NLRP12: variants seen among roughly 807,000 people sequenced by gnomAD.
The protein encoded by NLRP12 is NLR family pyrin domain containing 12, also known as NACHT, LRR and PYD domains-containing protein 12.
A neutral mutation model predicts 91.2 loss-of-function variants in NLRP12; 108 were observed. The observed-to-expected ratio is 1.18, with a 90% CI of 1.01 to 1.39. The LOEUF is 1.39. Among genes scored for constraint, NLRP12 ranks in the 40% most tolerant of loss-of-function variants. NLRP12 has a pLI of 0.00. For synonymous variants in NLRP12, 613 were observed against 566.7 expected, an observed-to-expected ratio of 1.08 and a Z score of -1.16; for missense variants, 1,530 against 1,352.7, an observed-to-expected ratio of 1.13 and a Z score of -2.06.
At chr19:53,806,675 GTC>G (rs2091962877) in intron 4 of NLRP12, among the ~76,000 whole-genome samples, 1 of 55,334 alleles carries the variant, frequency 1.8e-5, no homozygotes, top group African/African-American at 7.4e-5. Context: ...GCAAGACTCC[GTC>G]TCAAAAAAAA....
Position 53,810,797 on chromosome 19 carries a change from GCTCGGGAA to G in NLRP12, c.854_861del (p.Val285AlafsTer11). ...AAGCCGTCGATGATGAAAAGGAGGC[GCTCGGGAA>G]CTCGGATGAGCTCCTGGAGAGGCGC... On this transcript the variant is annotated frameshift_variant, in exon 3 of 10. Coordinates refer to ENST00000324134, the MANE Select transcript of NLRP12 (RefSeq NM_144687.4). LOFTEE classifies it high-confidence loss of function. 1 of 1,614,082 alleles carries G rather than the reference GCTCGGGAA, an allele frequency of 6.2e-7. No individual in the cohort carries two copies. The highest frequency in any genetic ancestry group is 8.5e-7 in the Non-Finnish European group (1 of 1,180,022).
intron 7 of NLRP12, among the ~76,000 whole-genome samples, chr19:53,798,744 A>T (rs543043331): frequency 0.012 from 1,872 of 151,888 alleles, 34 homozygotes; most frequent in African/African-American, 0.041. Context: ...ACAAAAAAAA[A>T]TTTTTTTTCT....
chr19:53,811,019 CCACGGTGCGCGGTGG>C lies in NLRP12; in HGVS notation c.625_639del (p.Pro209_Val213del). The C allele has an allele frequency of 6.2e-7, 1 of 1,613,626 alleles. No homozygotes were observed. Among genetic ancestry groups the C allele is most frequent in the Non-Finnish European group, 8.5e-7 (1 of 1,179,606 alleles). ...CCTATCCCTGCCGCGCCTTGCATGA[CCACGGTGCGCGGTGG>C]CTCGGGGCGCTCCTCGTCTGGCTCA... On this transcript the variant is annotated inframe_deletion, in exon 3 of 10. Transcript: ENST00000324134.
At chr19:53,796,396 C>T (rs1439186524) in intron 8 of NLRP12, among the ~76,000 whole-genome samples, 4 of 145,898 alleles carry the variant, frequency 2.7e-5, no homozygotes, top group Admixed American at 6.9e-5. Flanking sequence ...GGACTACAGG[C>T]GAGAGCCACC....
chr19:53,811,796 A>C (rs1464519463), intron 2 of NLRP12, among the ~76,000 whole-genome samples: 2 of 151,806 alleles, frequency 1.3e-5, no homozygotes, highest in Non-Finnish European at 2.9e-5. Context: ...CGATCTCTTG[A>C]CCTCATGATC....
rs183968736 is a variant in NLRP12, at chr19:53,814,390, T to G, written c.370+518A>C. Among the ~76,000 whole-genome samples, 38 of 152,056 alleles carry G rather than the reference T, an allele frequency of 2.5e-4. 2 individuals are homozygous for G. In the East Asian group the frequency reaches 7.0e-3, roughly 28 times the overall value. On this transcript the variant is annotated intron_variant, in intron 2 of 9. Coordinates refer to ENST00000324134, the MANE Select transcript of NLRP12 (RefSeq NM_144687.4). ...TTTTAAGAGATGGAGTCTCACTCTG[T>G]TGCCCAGGCTGGAGTGCAGTGGTGC...
In NLRP12 at chr19:53,795,857, A is replaced by G; in HGVS notation, c.3098+2T>C. On this transcript the variant is annotated splice_donor_variant, in intron 9 of 9. Coordinates refer to ENST00000324134, the MANE Select transcript of NLRP12 (RefSeq NM_144687.4). LOFTEE classifies it high-confidence loss of function. ...CAGAAAGAACTGGTCATCATCCCTCACCAGAGGACTCGGAGTTTGCAGCCA... is the reference window on the plus strand; with the variant it reads ...CAGAAAGAACTGGTCATCATCCCTCGCCAGAGGACTCGGAGTTTGCAGCCA... 3.7e-6 allele frequency: 6 copies of G among 1,613,732 alleles called. No individual in the cohort carries two copies. The highest frequency in any genetic ancestry group is 5.1e-6 in the Non-Finnish European group (6 of 1,179,824).
chr19:53,798,027 G>A (rs965680166), intron 8 of NLRP12, among the ~76,000 whole-genome samples: 2 of 152,190 alleles, frequency 1.3e-5, no homozygotes, highest in Admixed American at 1.3e-4. Context: ...GCGCCATCGC[G>A]CCTGGCCTTA....
intron 7 of NLRP12, among the ~76,000 whole-genome samples, chr19:53,799,311 CGT>C (rs935745507): frequency 4.6e-5 from 7 of 151,824 alleles, no homozygotes; most frequent in African/African-American, 1.7e-4. Context: ...CGCCCAGCCG[CGT>C]GTGTGATTTT....
chr19:53,809,473 G>C (rs1231207821), intron 3 of NLRP12, 114 bp downstream of exon 3: 14 of 1,095,926 alleles, frequency 1.3e-5, no homozygotes, highest in African/African-American at 1.7e-5. Context: ...GGAGGTTGCA[G>C]TGAGCTGAGG....
chr19:53,817,733 T>G (rs540515863), intron 1 of NLRP12, among the ~76,000 whole-genome samples: 1 of 151,910 alleles, frequency 6.6e-6, no homozygotes, highest in South Asian at 2.1e-4. Context: ...TGAAATTCCA[T>G]CTCAAAGAAA....
chr19:53,794,842 T>A (rs904018984), intron 9 of NLRP12, among the ~76,000 whole-genome samples: 1 of 151,738 alleles, frequency 6.6e-6, no homozygotes, highest in African/African-American at 2.4e-5. Flanking sequence ...AATTTTTGCA[T>A]AGAGCCACCC....
intron 2 of NLRP12, among the ~76,000 whole-genome samples, chr19:53,813,281 CTTT>C (rs34880938): frequency 0.051 from 5,673 of 111,378 alleles, 177 homozygotes; most frequent in South Asian, 0.12. Flanking sequence ...AACTGCTATT[CTTT>C]TTTTTTTTTC....
In NLRP12 at chr19:53,810,452, C is replaced by A. The variant is rs765948822; in HGVS notation, c.1207G>T (p.Val403Phe). 2 of 1,614,062 alleles carry A rather than the reference C, an allele frequency of 1.2e-6. No homozygotes were observed. Among genetic ancestry groups the A allele is most frequent in the Non-Finnish European group, 8.5e-7 (1 of 1,180,018 alleles). Reference sequence around the variant, plus strand: ...CACACCACCCAGCACACCAGGGGGACGAAGCACATGGTGAAGAGAGGCTCG... The same window carrying A: ...CACACCACCCAGCACACCAGGGGGAAGAAGCACATGGTGAAGAGAGGCTCG... ...DNEPLFTMCF[V>F]PLVCWVVCTC... The change falls in exon 3 of 10, where the codon GTC becomes TTC. Residue 403 changes from valine to phenylalanine, a missense_variant. Transcript: ENST00000324134.
intron 3 of NLRP12, among the ~76,000 whole-genome samples, chr19:53,809,179 T>C (rs1015125777): frequency 6.9e-6 from 1 of 145,878 alleles, no homozygotes; most frequent in Non-Finnish European, 1.5e-5. Flanking sequence ...TGAGCCAAGA[T>C]TGCGCCACTG....
chr19:53,799,577 G>A (rs959701684), intron 7 of NLRP12, among the ~76,000 whole-genome samples: 5 of 151,562 alleles, frequency 3.3e-5, no homozygotes, highest in Admixed American at 6.6e-5. Context: ...TCCGGCTCCC[G>A]GGTTCAAGCA....
At chr19:53,809,224 T>A (rs1385812353) in intron 3 of NLRP12, among the ~76,000 whole-genome samples, 3 of 133,662 alleles carry the variant, frequency 2.2e-5, no homozygotes, top group East Asian at 2.2e-4. Flanking sequence ...AGACTTAGTT[T>A]AAAAAAAAAA....
intron 5 of NLRP12, among the ~76,000 whole-genome samples, chr19:53,804,533 A>C (rs763114624): frequency 4.7e-4 from 71 of 150,178 alleles, no homozygotes; most frequent in Non-Finnish European, 8.9e-4. Flanking sequence ...AGTAGCTGGG[A>C]CTACAGGCTG....
intron 6 of NLRP12, 26 bp from the exon 7 acceptor site, chr19:53,801,423 A>G (rs746578415): frequency 1.3e-6 from 2 of 1,585,508 alleles, no homozygotes; most frequent in Non-Finnish European, 1.7e-6. Flanking sequence ...TTCAACAAGC[A>G]TTATGGAGGC....
Sources: allele counts gnomAD v4.1 joint callset (sites outside exome capture counted in the v4.1 genomes callset), GRCh38; gene constraint gnomAD v4.1.1; transcripts MANE v1.5; gene names NCBI Gene and HGNC (gene_info 2026-07-23, HGNC 2026-07-21).